The following OS9 variants were observed in gnomAD, a reference collection of about 807,000 sequenced individuals.
OS9 encodes the protein OS9 endoplasmic reticulum lectin.
OS9 carries 58 observed loss-of-function variants against 84.7 expected under a neutral mutation model. The ratio of observed to expected loss-of-function variants is 0.68; its 90% CI spans 0.55 to 0.85. The LOEUF is 0.85. Ranked by LOEUF, OS9 falls within the 40% of genes least tolerant of loss-of-function variation. The pLI is 0.00. For synonymous variants in OS9, 278 were observed against 320.8 expected, an observed-to-expected ratio of 0.87 and a Z score of 1.43; for missense variants, 760 against 850.9, an observed-to-expected ratio of 0.89 and a Z score of 1.33.
In OS9 at chr12:57,694,896, C is replaced by T. The variant is rs771923233; in HGVS notation, c.309C>T (p.Ser103=). ...YQGPGIPELL[S]PMRDAPCLLK... ...GGCCTGGGATCCCTGAGTTGTTGAGCCCAATGAGAGATGCTCCCTGCTTGC... is the reference window on the plus strand; with the variant it reads ...GGCCTGGGATCCCTGAGTTGTTGAGTCCAATGAGAGATGCTCCCTGCTTGC... The change falls in exon 2 of 15, where the codon AGC becomes AGT. Residue 103 remains serine (S), a synonymous_variant. Transcript: ENST00000315970. 6.2e-7 allele frequency: 1 copy of T among 1,613,982 alleles called. No homozygotes were observed. The highest frequency in any genetic ancestry group is 1.3e-5 in the African/African-American group (1 of 74,890).
At chr12:57,707,957 G>C (rs1954219859) in intron 5 of OS9, among the ~76,000 whole-genome samples, 2 of 151,942 alleles carry the variant, frequency 1.3e-5, no homozygotes, top group Admixed American at 1.3e-4. Flanking sequence ...GCCAGGTGTG[G>C]TGGCACGTGC....
intron 5 of OS9, among the ~76,000 whole-genome samples, chr12:57,710,133 G>A (rs543650346): frequency 8.4e-4 from 128 of 152,282 alleles, no homozygotes; most frequent in African/African-American, 2.9e-3. Flanking sequence ...GATTACAGGC[G>A]TGAGCCACCC....
chr12:57,705,385 A>G (rs1468766741), intron 5 of OS9, among the ~76,000 whole-genome samples: 1 of 152,116 alleles, frequency 6.6e-6, no homozygotes, highest in Non-Finnish European at 1.5e-5. Flanking sequence ...AATTTTCTCT[A>G]AAAGTTCTTC....
Position 57,718,129 on chromosome 12 carries a change from A to G in OS9, c.1135-17A>G, listed in dbSNP as rs1389828666. On this transcript the variant is annotated splice_polypyrimidine_tract_variant and intron_variant, in intron 10 of 14. Coordinates refer to ENST00000315970, the MANE Select transcript of OS9 (RefSeq NM_006812.4). ...TGAAACCCCAACTGTCTTTCTCCCC[A>G]CTCCCTACCCACCCAGGGGAAGCCA... The G allele has an allele frequency of 1.2e-6, 2 of 1,608,668 alleles. No individual in the cohort carries two copies. Among genetic ancestry groups the G allele is most frequent in the South Asian group, 2.2e-5 (2 of 90,582 alleles).
intron 5 of OS9, among the ~76,000 whole-genome samples, chr12:57,697,178 C>A (rs1953872654): frequency 6.6e-6 from 1 of 152,218 alleles, no homozygotes; most frequent in Non-Finnish European, 1.5e-5. Context: ...AAGCCCTGAT[C>A]TGTAATGTTT....
At chr12:57,699,602 T>G (rs1468161425) in intron 5 of OS9, among the ~76,000 whole-genome samples, 1 of 152,200 alleles carries the variant, frequency 6.6e-6, no homozygotes, top group African/African-American at 2.4e-5. Flanking sequence ...TCATTATTAT[T>G]TTAATAAAGG....
Position 57,718,299 on chromosome 12 carries a change from C to T in OS9, c.1288C>T (p.Arg430Trp), listed in dbSNP as rs776061695. 1.4e-5 allele frequency: 23 copies of T among 1,613,980 alleles called. No individual in the cohort carries two copies. Among genetic ancestry groups the T allele is most frequent in the South Asian group, 4.4e-5 (4 of 91,088 alleles). The change falls in exon 11 of 15, where the codon CGG (arginine) becomes TGG (tryptophan). Residue 430 changes from arginine to tryptophan, a missense_variant. Transcript: ENST00000315970. ...DEDEDEDEDE[R>W]QLLGEFEKEL... ...GGATGAGGATGAAGATGAGGATGAA[C>T]GGCAGTTACTGGGAGAATTTGAGAA...
chr12:57,703,602 T>C (rs1380943660), intron 5 of OS9, among the ~76,000 whole-genome samples: 2 of 152,224 alleles, frequency 1.3e-5, no homozygotes, highest in Admixed American at 6.5e-5. Flanking sequence ...TACTATTCCA[T>C]TGGTAAATAT....
Position 57,718,180 on chromosome 12 carries a change from A to G in OS9, c.1169A>G (p.Asp390Gly), listed in dbSNP as rs1255464925. Residue 390 changes from aspartate (D) to glycine (G), a missense_variant, in exon 11 of 15, where the codon GAT becomes GGT. Physicochemically the swap from Asp to Gly is moderately conservative, Grantham distance 94. Coordinates refer to ENST00000315970, the MANE Select transcript of OS9 (RefSeq NM_006812.4). ...AATATAGGCCAAGAGCAGCCTGTGGATGATGCTGCAGAAGTCCCTCAGAGG... is the reference window on the plus strand; with the variant it reads ...AATATAGGCCAAGAGCAGCCTGTGGGTGATGCTGCAGAAGTCCCTCAGAGG... ...KPNIGQEQPV[D>G]DAAEVPQREP... The G allele has an allele frequency of 1.2e-6, 2 of 1,613,982 alleles. No individual in the cohort carries two copies. The highest frequency in any genetic ancestry group is 1.7e-5 in the Admixed American group (1 of 59,988).
chr12:57,715,736 T>C, intron 5 of OS9, 24 bp from the exon 6 acceptor site: 2 of 1,528,308 alleles, frequency 1.3e-6, no homozygotes, highest in Non-Finnish European at 1.8e-6. Context: ...TGATTAAGTG[T>C]ATTCATCCTT....
At chr12:57,696,242 A>G in intron 4 of OS9, 33 bp from the exon 5 acceptor site, 4 of 1,521,556 alleles carry the variant, frequency 2.6e-6, no homozygotes, top group South Asian at 1.1e-5. Context: ...TATCTTTCTC[A>G]TGTCCCCCAT....
chr12:57,695,647 G>T, intron 2 of OS9, 133 bp from the exon 3 acceptor site: 1 of 737,464 alleles, frequency 1.4e-6, no homozygotes, highest in South Asian at 1.4e-5. Flanking sequence ...GGAGAATTGA[G>T]AGTGGAAGTG....
At chr12:57,713,963 A>C (rs912913451) in intron 5 of OS9, among the ~76,000 whole-genome samples, 2 of 152,118 alleles carry the variant, frequency 1.3e-5, no homozygotes, top group Non-Finnish European at 2.9e-5. Context: ...TGTAAAAATT[A>C]GTTGGATATG....
rs978754144 is a variant in OS9, at chr12:57,695,040, A to G, written c.339+114A>G. On this transcript the variant is annotated intron_variant, in intron 2 of 14. Coordinates refer to ENST00000315970, the MANE Select transcript of OS9 (RefSeq NM_006812.4). ...GGGACCTGTAGTGGTTAAGAAGACCACTGGAGGAGTAGACAGATTACACGG... is the reference window on the plus strand; with the variant it reads ...GGGACCTGTAGTGGTTAAGAAGACCGCTGGAGGAGTAGACAGATTACACGG... 3.6e-5 allele frequency: 30 copies of G among 841,202 alleles called. No individual in the cohort carries two copies. In the Admixed American group the frequency reaches 6.0e-4, roughly 17 times the overall value. 52.1% of individuals were successfully genotyped at this position (841,202 alleles called of 1,614,324 possible).
chr12:57,695,300 G>C (rs543808475), intron 2 of OS9, among the ~76,000 whole-genome samples: 7 of 152,240 alleles, frequency 4.6e-5, no homozygotes, highest in African/African-American at 9.6e-5. Flanking sequence ...CATATTTACT[G>C]AATCAGTTTG....
At chr12:57,700,713 G>T (rs1953995481) in intron 5 of OS9, among the ~76,000 whole-genome samples, 1 of 151,768 alleles carries the variant, frequency 6.6e-6, no homozygotes, top group South Asian at 2.1e-4. Flanking sequence ...CATGTTGAAG[G>T]CTGTTGGGTG....
In OS9 at chr12:57,721,515, T is replaced by G. The variant is rs1205029120; in HGVS notation, c.*606T>G. ...AAAAAGGTGTGAAGCACCCACCATGTTCTTGAACAATCAGGTTTCTAAATA... is the reference window on the plus strand; with the variant it reads ...AAAAAGGTGTGAAGCACCCACCATGGTCTTGAACAATCAGGTTTCTAAATA... On this transcript the variant is annotated 3_prime_UTR_variant, in exon 15 of 15. Transcript: ENST00000315970. 6.5e-6 allele frequency: 1 copy of G among 152,768 alleles called. No individual in the cohort carries two copies. The highest frequency in any genetic ancestry group is 1.5e-5 in the Non-Finnish European group (1 of 68,428). The allele number at this position is 152,768 out of a possible 1,614,324, so 9.5% of individuals were successfully genotyped here.
chr12:57,697,925 A>AAG (rs1565767139), intron 5 of OS9, among the ~76,000 whole-genome samples: 3,358 of 46,536 alleles, frequency 0.072, 101 homozygotes, highest in East Asian at 0.15. Flanking sequence ...ACACACACAT[A>AAG]CACACACACA....
Position 57,696,321 on chromosome 12 carries a change from G to A in OS9, c.527G>A (p.Gly176Asp). The A allele has an allele frequency of 6.2e-7, 1 of 1,613,844 alleles. No individual in the cohort carries two copies. Among genetic ancestry groups the A allele is most frequent in the Non-Finnish European group, 8.5e-7 (1 of 1,179,892 alleles). The change falls in exon 5 of 15, where the codon GGC becomes GAC. Residue 176 changes from glycine to aspartate, a missense_variant. Coordinates refer to ENST00000315970, the MANE Select transcript of OS9 (RefSeq NM_006812.4). ...AAACGCTACCACAGCCAGACCTATG[G>A]CAATGGGTCCAAGTGCGACCTTAAT... ...RLKRYHSQTYGNGSKCDLNGR... is the reference protein window; with the variant it reads ...RLKRYHSQTYDNGSKCDLNGR...
Sources: allele counts gnomAD v4.1 joint callset (sites outside exome capture counted in the v4.1 genomes callset), GRCh38; gene constraint gnomAD v4.1.1; transcripts MANE v1.5; gene names NCBI Gene and HGNC (gene_info 2026-07-23, HGNC 2026-07-21).